Variants in TSPAN7 observed in about 807,000 individuals in gnomAD.
The protein encoded by TSPAN7 is tetraspanin-7.
Under a neutral mutation model 17.6 loss-of-function variants are expected in TSPAN7, and 1 was observed. The ratio of observed to expected loss-of-function variants is 0.06; its 90% confidence interval spans 0.02 to 0.27. The LOEUF (loss-of-function observed/expected upper bound fraction) is 0.27. Among genes scored for constraint, TSPAN7 ranks in the 10% least tolerant of loss-of-function variants. The probability of loss-of-function intolerance (pLI) is 1.00; values close to 1 mark genes in which losing one functional copy is unlikely to be tolerated. For synonymous variants in TSPAN7, 78 were observed against 79.0 expected, an observed-to-expected ratio of 0.99 and a Z score of 0.07; for missense variants, 112 against 201.7, an observed-to-expected ratio of 0.56 and a Z score of 2.69.
intron 1 of TSPAN7, among the ~76,000 whole-genome samples, chrX:38,596,445 C>T (rs189713996): frequency 8.9e-6 from 1 of 111,867 alleles, no homozygotes; most frequent in African/African-American, 3.2e-5. Flanking sequence ...ATATGTGGAA[C>T]TGTTGATATT....
rs761557206 is a variant in TSPAN7, at chrX:38,599,807, C to T, written c.81+38180C>T. Among the ~76,000 whole-genome samples, 101 of 111,994 alleles carry T rather than the reference C, an allele frequency of 9.0e-4. 1 individual carries two copies. Among genetic ancestry groups the T allele is most frequent in the African/African-American group, 3.1e-3 (95 of 30,936 alleles). Reference sequence around the variant, plus strand: ...CATGTTGCATATCATAGAAAGAAAGCTTTGCCTTCCAATTTTGTGAGAAAT... The same window carrying T: ...CATGTTGCATATCATAGAAAGAAAGTTTTGCCTTCCAATTTTGTGAGAAAT... On this transcript the variant is annotated intron_variant, in intron 1 of 7. Coordinates refer to ENST00000378482, the MANE Select transcript of TSPAN7 (RefSeq NM_004615.4).
At chrX:38,630,026 A>G (rs1160658052) in intron 1 of TSPAN7, among the ~76,000 whole-genome samples, 1 of 111,695 alleles carries the variant, frequency 9.0e-6, no homozygotes, top group Non-Finnish European at 1.9e-5. Context: ...TAGGATTCTT[A>G]TGGTTATGCT....
intron 2 of TSPAN7, 26 bp from the exon 3 acceptor site, chrX:38,671,349 CT>C: frequency 5.0e-6 from 6 of 1,202,862 alleles, no homozygotes; most frequent in African/African-American, 1.7e-5. Context: ...ATGTATCTGA[CT>C]TTGTCTTTGT....
intron 1 of TSPAN7, chrX:38,612,701 T>TCTATTCTA (rs1248072803): frequency 8.9e-6 from 1 of 112,059 alleles, no homozygotes; most frequent in African/African-American, 3.2e-5. Flanking sequence ...CCTGAAAATG[T>TCTATTCTA]CTATTCTACT....
chrX:38,637,383 G>A (rs2069586637), intron 1 of TSPAN7, among the ~76,000 whole-genome samples: 1 of 112,025 alleles, frequency 8.9e-6, no homozygotes, highest in African/African-American at 3.3e-5. Flanking sequence ...CACGCTCAAG[G>A]CCAGTCTATT....
chrX:38,567,663 CCAA>C (rs1569300809), intron 1 of TSPAN7, among the ~76,000 whole-genome samples: 1 of 112,303 alleles, frequency 8.9e-6, no homozygotes, highest in Non-Finnish European at 1.9e-5. Flanking sequence ...AGAATGTGTA[CCAA>C]CGTTTACTAG....
At chrX:38,683,698 T>G (rs184936642) in intron 6 of TSPAN7, among the ~76,000 whole-genome samples, 81 of 112,805 alleles carry the variant, frequency 7.2e-4, no homozygotes, top group African/African-American at 2.3e-3. Context: ...GCTGTCAGCC[T>G]CAGGGGTCCT....
At chrX:38,588,104 T>C (rs1428304767) in intron 1 of TSPAN7, among the ~76,000 whole-genome samples, 4 of 111,092 alleles carry the variant, frequency 3.6e-5, no homozygotes, top group Non-Finnish European at 7.5e-5. Context: ...AGTGTGTCTA[T>C]CTGCTTGGCA....
Position 38,687,946 on chromosome X carries a change from A to G in TSPAN7, c.*15A>G. On this transcript the variant is annotated 3_prime_UTR_variant, in exon 8 of 8. Transcript: ENST00000378482. ...TTCTCATTTCTCTCTTAGTCTTTCAAGAATGACGGAATAAGAGACCTGTTT... is the reference window on the plus strand; with the variant it reads ...TTCTCATTTCTCTCTTAGTCTTTCAGGAATGACGGAATAAGAGACCTGTTT... The G allele has an allele frequency of 3.8e-6, 1 of 266,279 alleles. No homozygotes were observed. Among genetic ancestry groups the G allele is most frequent in the Non-Finnish European group, 6.6e-6 (1 of 150,574 alleles). 21.9% of individuals were successfully genotyped at this position (266,279 alleles called of 1,213,427 possible). A position where few individuals can be genotyped will look rare whatever the true frequency, so the allele number is the denominator to read the frequency against.
intron 1 of TSPAN7, among the ~76,000 whole-genome samples, chrX:38,563,322 G>T (rs959936046): frequency 5.4e-5 from 6 of 112,041 alleles, no homozygotes; most frequent in Non-Finnish European, 1.1e-4. Flanking sequence ...TGCTCTGCCT[G>T]TAAAAAGCAG....
chrX:38,659,823 C>CTTTTTTTTTTTTTTTTT (rs748922281), intron 1 of TSPAN7, among the ~76,000 whole-genome samples: 2 of 61,591 alleles, frequency 3.2e-5, no homozygotes, highest in Admixed American at 2.2e-4. Context: ...TTTTCTTTTT[C>CTTTTTTTTTTTTTTTTT]TTTTTTTTTT....
At chrX:38,585,149 C>G (rs1185485100) in intron 1 of TSPAN7, among the ~76,000 whole-genome samples, 1 of 111,755 alleles carries the variant, frequency 8.9e-6, no homozygotes, top group Non-Finnish European at 1.9e-5. Flanking sequence ...AATAATGCTG[C>G]TACGAGCACT....
chrX:38,575,667 T>C (rs976411188), intron 1 of TSPAN7, among the ~76,000 whole-genome samples: 2 of 111,932 alleles, frequency 1.8e-5, no homozygotes, highest in Admixed American at 1.9e-4. Context: ...ACATACCATA[T>C]GTACAAATTA....
chrX:38,631,414 T>C (rs1160300464), intron 1 of TSPAN7, among the ~76,000 whole-genome samples: 1 of 111,483 alleles, frequency 9.0e-6, no homozygotes, highest in African/African-American at 3.3e-5. Flanking sequence ...ACTTGAGAAA[T>C]GCAGCCTTCG....
intron 1 of TSPAN7, among the ~76,000 whole-genome samples, chrX:38,653,096 T>C (rs1439388998): frequency 8.9e-6 from 1 of 112,035 alleles, no homozygotes. Flanking sequence ...ATACCACTTA[T>C]TTGCTTTGTG....
chrX:38,648,576 G>A (rs1448944644), intron 1 of TSPAN7, among the ~76,000 whole-genome samples: 1 of 111,951 alleles, frequency 8.9e-6, no homozygotes, highest in African/African-American at 3.2e-5. Context: ...CACCCTTGGA[G>A]TAGCTAGGAC....
chrX:38,612,474 TCA>T (rs2069425264), intron 1 of TSPAN7: 1 of 112,157 alleles, frequency 8.9e-6, no homozygotes, highest in Middle Eastern at 4.7e-3. Flanking sequence ...ATGAAAGTTC[TCA>T]GTGTGCCCCT....
chrX:38,589,672 G>A (rs1190577028), intron 1 of TSPAN7, among the ~76,000 whole-genome samples: 1 of 111,496 alleles, frequency 9.0e-6, no homozygotes, highest in Admixed American at 9.5e-5. Flanking sequence ...ATATTATAAG[G>A]TGAAACTTAA....
chrX:38,687,447 A>G, intron 6 of TSPAN7, 152 bp from the exon 7 acceptor site: 2 of 448,819 alleles, frequency 4.5e-6, no homozygotes, highest in Non-Finnish European at 7.4e-6. Context: ...ATTTACATAC[A>G]GAAACACTTG....
Sources: gnomAD v4.1 joint callset for allele counts (sites outside exome capture counted in the v4.1 genomes callset) on GRCh38, gnomAD v4.1.1 for gene constraint, MANE v1.5 for transcripts, NCBI Gene and HGNC (gene_info 2026-07-23, HGNC 2026-07-21) for gene names.